SUFU: variants seen among roughly 807,000 people sequenced by gnomAD.
The protein encoded by SUFU is suppressor of fused homolog.
In SUFU, 7 loss-of-function variants were observed where a neutral mutation model predicts 58.9. The ratio of observed to expected loss-of-function variants is 0.12; its 90% CI spans 0.07 to 0.22. The LOEUF is 0.22. SUFU is among the 10% of genes least tolerant of loss of function. The probability of loss-of-function intolerance (pLI) is 1.00; values close to 1 mark genes in which losing one functional copy is unlikely to be tolerated. For missense variants in SUFU, 451 were observed against 641.3 expected (o/e 0.70, Z 3.20); for synonymous variants, 232 against 254.8 (o/e 0.91, Z 0.85).
intron 3 of SUFU, among the ~76,000 whole-genome samples, chr10:102,589,359 T>C (rs2063369794): frequency 6.6e-6 from 1 of 151,962 alleles, no homozygotes; most frequent in South Asian, 2.1e-4. Context: ...TTCCTTAAGG[T>C]TTTCTGTATA....
At position 102,566,227 on chromosome 10, in the gene SUFU, C is replaced by G. The variant is rs17782856; in HGVS notation, c.454+16121C>G. 8.8e-3 allele frequency among the ~76,000 whole-genome samples: 1,336 copies of G among 152,304 alleles called. 9 individuals are homozygous for G. Among genetic ancestry groups the G allele is most frequent in the Non-Finnish European group, 0.017 (1,135 of 68,032 alleles). The stretch of plus-strand genomic sequence containing the variant: ...GCCATGTAGGACCAAAATTGAACAT[C>G]TCTAACAGTTGGTTACTTCATCTGT... On this transcript the variant is annotated intron_variant, in intron 3 of 11. Transcript: ENST00000369902.
At chr10:102,523,974 G>T (rs1297338673) in intron 2 of SUFU, among the ~76,000 whole-genome samples, 1 of 152,002 alleles carries the variant, frequency 6.6e-6, no homozygotes, top group Non-Finnish European at 1.5e-5. Context: ...TCTACCTCAG[G>T]GCCTTTGCAC....
At chr10:102,582,234 A>G (rs1303018546) in intron 3 of SUFU, among the ~76,000 whole-genome samples, 1 of 152,154 alleles carries the variant, frequency 6.6e-6, no homozygotes, top group Non-Finnish European at 1.5e-5. Flanking sequence ...TTTCCAGGCT[A>G]TTATGTAGAA....
intron 2 of SUFU, among the ~76,000 whole-genome samples, chr10:102,528,509 G>A (rs2062638222): frequency 6.6e-6 from 1 of 152,138 alleles, no homozygotes; most frequent in Admixed American, 6.5e-5. Context: ...GATCAAGGCT[G>A]TAGTGAGCTG....
intron 2 of SUFU, among the ~76,000 whole-genome samples, chr10:102,532,499 C>G (rs1049251191): frequency 2.0e-5 from 3 of 152,304 alleles, no homozygotes; most frequent in South Asian, 4.1e-4. Context: ...GAGTGTCAGG[C>G]GGGCTGCATC....
At chr10:102,505,770 A>G (rs1477187027) in intron 1 of SUFU, among the ~76,000 whole-genome samples, 1 of 152,188 alleles carries the variant, frequency 6.6e-6, no homozygotes, top group Non-Finnish European at 1.5e-5. Flanking sequence ...TCACTGGCGA[A>G]CTGTTCTCTG....
chr10:102,502,971 C>T (rs1204881240), upstream of SUFU, among the ~76,000 whole-genome samples: 2 of 152,144 alleles, frequency 1.3e-5, no homozygotes, highest in Admixed American at 1.3e-4. Flanking sequence ...TGAAGGAGTT[C>T]GCAGTGCATG....
chr10:102,579,280 G>C (rs2063248071), intron 3 of SUFU, among the ~76,000 whole-genome samples: 3 of 152,206 alleles, frequency 2.0e-5, no homozygotes, highest in Admixed American at 2.0e-4. Flanking sequence ...CCCTGCCCAT[G>C]TGGGCACAGG....
At chr10:102,556,757 G>A (rs10453990) in intron 3 of SUFU, among the ~76,000 whole-genome samples, 43 of 138,534 alleles carry the variant, frequency 3.1e-4, no homozygotes, top group Non-Finnish European at 3.3e-4. Context: ...AAAAGGAAGG[G>A]AGGGAGGAAG....
chr10:102,545,325 G>A (rs1315352278), intron 2 of SUFU, among the ~76,000 whole-genome samples: 1 of 148,718 alleles, frequency 6.7e-6, no homozygotes. Flanking sequence ...GTAGAAACGG[G>A]GTTTGGCCAT....
At chr10:102,560,722 C>A (rs2063028997) in intron 3 of SUFU, among the ~76,000 whole-genome samples, 1 of 152,164 alleles carries the variant, frequency 6.6e-6, no homozygotes, top group Non-Finnish European at 1.5e-5. Flanking sequence ...ATATACTGTA[C>A]TTTATTTAAC....
intron 3 of SUFU, among the ~76,000 whole-genome samples, chr10:102,557,422 T>C (rs546417503): frequency 6.6e-6 from 1 of 151,366 alleles, no homozygotes; most frequent in Admixed American, 6.6e-5. Context: ...CCCACAGGGG[T>C]AGAGTGAAAA....
intron 2 of SUFU, among the ~76,000 whole-genome samples, chr10:102,545,791 TAATG>T: frequency 6.6e-6 from 1 of 151,960 alleles, no homozygotes; most frequent in East Asian, 1.9e-4. Flanking sequence ...CTGGGCAACA[TAATG>T]AAACCCTGTC....
At chr10:102,612,104 C>T (rs951706765) in intron 8 of SUFU, among the ~76,000 whole-genome samples, 9 of 152,162 alleles carry the variant, frequency 5.9e-5, no homozygotes, top group Non-Finnish European at 1.3e-4. Flanking sequence ...TCACCTAGCC[C>T]ACACAAATAA....
At chr10:102,541,870 G>A (rs1478903531) in intron 2 of SUFU, among the ~76,000 whole-genome samples, 1 of 133,580 alleles carries the variant, frequency 7.5e-6, no homozygotes, top group Non-Finnish European at 1.6e-5. Flanking sequence ...CGCCATGCCC[G>A]GCTAATTTTT....
rs200418460 is a variant in SUFU, at chr10:102,592,736, G to C, written c.597+12G>C. ...TTACCTTCCTCCAGGTGAGGCACAG[G>C]TTGGACGCTGGCTCAAGCCTTCCTG... is the stretch of plus-strand genomic sequence containing the variant. On this transcript the variant is annotated intron_variant, in intron 4 of 11. Coordinates refer to ENST00000369902, the MANE Select transcript of SUFU (RefSeq NM_016169.4). 3.1e-6 allele frequency: 5 copies of C among 1,613,702 alleles called. No individual in the cohort carries two copies. Among genetic ancestry groups the C allele is most frequent in the South Asian group, 2.2e-5 (2 of 91,088 alleles).
intron 6 of SUFU, among the ~76,000 whole-genome samples, chr10:102,596,230 G>C (rs1590065156): frequency 1.3e-5 from 2 of 152,334 alleles, no homozygotes; most frequent in African/African-American, 4.8e-5. Flanking sequence ...CAGCAGGCCA[G>C]TGTGGTACCT....
chr10:102,517,314 A>C (rs548138281), intron 2 of SUFU, among the ~76,000 whole-genome samples: 1 of 152,190 alleles, frequency 6.6e-6, no homozygotes, highest in East Asian at 1.9e-4. Flanking sequence ...CAAAACAAAC[A>C]AACAAAAAGA....
At chr10:102,621,409 T>C (rs2063739230) in intron 10 of SUFU, among the ~76,000 whole-genome samples, 2 of 151,844 alleles carry the variant, frequency 1.3e-5, no homozygotes, top group Middle Eastern at 3.4e-3. Flanking sequence ...AGAGCAGGAG[T>C]CTGAGCCCGC....
Sources: gnomAD v4.1 joint callset for allele counts (sites outside exome capture counted in the v4.1 genomes callset) on GRCh38, gnomAD v4.1.1 for gene constraint, MANE v1.5 for transcripts, NCBI Gene and HGNC (gene_info 2026-07-23, HGNC 2026-07-21) for gene names.